DOT1L: variants seen among roughly 807,000 people sequenced by gnomAD.
The protein encoded by DOT1L is DOT1 like histone lysine methyltransferase.
A neutral mutation model predicts 153.3 loss-of-function variants in DOT1L; 33 were observed. That is an observed-to-expected ratio of 0.22 (90% confidence interval 0.16 to 0.29). DOT1L has a LOEUF of 0.29. Ranked by LOEUF, DOT1L falls within the 10% of genes least tolerant of loss-of-function variation. The pLI, the probability that DOT1L is intolerant of heterozygous loss-of-function variation, is 1.00. For synonymous variants in DOT1L, 1,135 were observed against 965.1 expected (o/e 1.18, Z -3.26); for missense variants, 1,847 against 2,119.9 (o/e 0.87, Z 2.53).
intron 25 of DOT1L, 109 bp downstream of exon 25, chr19:2,223,595 G>T: frequency 8.6e-7 from 1 of 1,159,312 alleles, no homozygotes; most frequent in Admixed American, 2.5e-5. Context: ...AGGCTCTTAG[G>T]GGGTGCCCTG....
At position 2,216,457 on chromosome 19, in the gene DOT1L, G is replaced by C. The variant is rs757778341; in HGVS notation, c.2100G>C (p.Ser700=). The C allele has an allele frequency of 6.2e-7, 1 of 1,612,586 alleles. No homozygotes were observed. The highest frequency in any genetic ancestry group is 8.5e-7 in the Non-Finnish European group (1 of 1,179,938). The change falls in exon 20 of 28, where the codon TCG becomes TCC. Residue 700 remains serine (S), a synonymous_variant. Coordinates refer to ENST00000398665, the MANE Select transcript of DOT1L (RefSeq NM_032482.3). The part of the protein sequence containing the change: ...LHLELDCTKF[S]LPHLSSMSPE... ...TGGAGCTGGACTGCACCAAGTTCTC[G>C]CTGCCTCACTTGAGCAGCATGAGCC...
chr19:2,216,252 C>T (rs781599028), intron 19 of DOT1L, 29 bp from the exon 20 acceptor site: 7 of 1,538,182 alleles, frequency 4.6e-6, no homozygotes, highest in Non-Finnish European at 6.2e-6. Context: ...CCCGGTGGGG[C>T]GGGCCTGACA....
rs780672810 is a variant in DOT1L at position 2,222,109 on chromosome 19, C to T, written c.2940C>T (p.Ser980=). The T allele has an allele frequency of 1.2e-6, 2 of 1,613,368 alleles. No homozygotes were observed. ...SSGSLFATVG[S]RSSTPQHPLL... is the part of the protein sequence containing the mutation. Reference sequence around the variant, plus strand: ...GGAGCCTTTTTGCCACCGTGGGGTCCCGCAGCTCCACGCCACAGCACCCCC... The same window carrying T: ...GGAGCCTTTTTGCCACCGTGGGGTCTCGCAGCTCCACGCCACAGCACCCCC... The change falls in exon 24 of 28, where the codon TCC becomes TCT. Residue 980 remains serine, a synonymous_variant. Transcript: ENST00000398665. The surrounding 1 kb of genome is among the most constrained non-coding windows in gnomAD (Gnocchi z 6.5).
At chr19:2,202,570 G>A (rs2023335762) in intron 8 of DOT1L, 130 bp from the exon 9 acceptor site, 3 of 864,452 alleles carry the variant, frequency 3.5e-6, no homozygotes, top group Admixed American at 2.1e-5. Context: ...AGCTGCGTGG[G>A]CTTGGCCCTG....
In DOT1L at chr19:2,211,746, C is replaced by T. The variant is rs1356385806; in HGVS notation, c.1466-5C>T. ...TTCTCACCTGTGTTCCGCCTCTCTT[C>T]CCAGAGTCCTTCAAGATCCAGTACC... is the stretch of plus-strand genomic sequence containing the variant. On this transcript the variant is annotated splice_region_variant and splice_polypyrimidine_tract_variant and intron_variant, in intron 15 of 27. Transcript: ENST00000398665. The T allele has an allele frequency of 1.3e-6, 2 of 1,559,182 alleles. No individual in the cohort carries two copies. Among genetic ancestry groups the T allele is most frequent in the Admixed American group, 1.9e-5 (1 of 51,858 alleles).
chr19:2,188,516 C>T (rs1393682376), intron 3 of DOT1L, among the ~76,000 whole-genome samples: 1 of 148,998 alleles, frequency 6.7e-6, no homozygotes, highest in Non-Finnish European at 1.5e-5. Context: ...TGCAGGCCCC[C>T]TCGGCGCTGG....
rs138511574 is a variant in DOT1L at position 2,218,736 on chromosome 19, C to G, written c.2691+818C>G. ...TTTCGAGATGGAGACTCATTCTGTC[C>G]CCCAGGCTGGAGTGCAATTGTGTGA... On this transcript the variant is annotated intron_variant, in intron 22 of 27. Transcript: ENST00000398665. Among the ~76,000 whole-genome samples, 362 of 147,200 alleles carry G rather than the reference C, an allele frequency of 2.5e-3. 1 individual carries two copies. Among genetic ancestry groups the G allele is most frequent in the Non-Finnish European group, 3.7e-3 (244 of 66,692 alleles).
In DOT1L at chr19:2,222,610, C is replaced by A; in HGVS notation, c.3390+51C>A. On this transcript the variant is annotated intron_variant, in intron 24 of 27. Coordinates refer to ENST00000398665, the MANE Select transcript of DOT1L (RefSeq NM_032482.3). The surrounding 1 kb of genome is among the most constrained non-coding windows in gnomAD (Gnocchi z 6.5). ...GGGAGCGCGGCCTGTGAAAGAAAGA[C>A]CAGAGGGAGACCGGGCGCGGTGGCT... 1.4e-6 allele frequency: 2 copies of A among 1,477,198 alleles called. No individual in the cohort carries two copies. The highest frequency in any genetic ancestry group is 1.8e-4 in the Middle Eastern group (1 of 5,478). The allele number at this position is 1,477,198 out of a possible 1,614,324, so 91.5% of individuals were successfully genotyped here.
intron 23 of DOT1L, chr19:2,221,594 G>A (rs529395929): frequency 2.0e-4 from 50 of 244,134 alleles, no homozygotes; most frequent in Admixed American, 4.0e-4. Flanking sequence ...AGAACAGGAG[G>A]GAGGGAGGCC....
chr19:2,209,253 C>G (rs972697914), intron 12 of DOT1L, among the ~76,000 whole-genome samples: 3 of 152,210 alleles, frequency 2.0e-5, no homozygotes, highest in Non-Finnish European at 4.4e-5. Flanking sequence ...CCCCCACCCT[C>G]CCTCTCCGTT....
intron 17 of DOT1L, 34 bp from the exon 18 acceptor site, chr19:2,213,815 C>T: frequency 1.9e-6 from 3 of 1,611,622 alleles, no homozygotes; most frequent in South Asian, 2.2e-5. Context: ...TTGGAGGCCA[C>T]CAGCATGACC....
intron 12 of DOT1L, among the ~76,000 whole-genome samples, chr19:2,209,326 A>G (rs1234308078): frequency 1.3e-5 from 2 of 148,808 alleles, no homozygotes; most frequent in African/African-American, 5.0e-5. Context: ...CTTGTCTTTG[A>G]TGGTTTGGCC....
In DOT1L at chr19:2,223,339, T is replaced by G; in HGVS notation, c.3449T>G (p.Leu1150Arg). ...ITAISSPETS[L>R]KSSPVPYQDH... The stretch of plus-strand genomic sequence containing the variant: ...GCCATCTCGTCCCCGGAGACCTCCC[T>G]GAAGAGCTCCCCTGTGCCCTACCAG... The change falls in exon 25 of 28, where the codon CTG becomes CGG. Residue 1150 changes from leucine (L) to arginine (R), a missense_variant. This residue lies in a region of DOT1L where 934 missense variants were observed against 825.3 expected (regional missense o/e 1.13). Coordinates refer to ENST00000398665, the MANE Select transcript of DOT1L (RefSeq NM_032482.3). 6.2e-7 allele frequency: 1 copy of G among 1,613,706 alleles called. No homozygotes were observed. The highest frequency in any genetic ancestry group is 8.5e-7 in the Non-Finnish European group (1 of 1,179,948).
intron 27 of DOT1L, chr19:2,228,340 C>A: frequency 7.5e-7 from 1 of 1,326,428 alleles, no homozygotes; most frequent in African/African-American, 1.5e-5. Context: ...GGGGTTAAGC[C>A]GCGATAAAGA....
intron 7 of DOT1L, among the ~76,000 whole-genome samples, 170 bp downstream of exon 7, chr19:2,194,747 C>T (rs975669396): frequency 7.9e-5 from 12 of 152,284 alleles, no homozygotes; most frequent in South Asian, 6.2e-4. Flanking sequence ...GCGTCTGAGC[C>T]GGCAGCAGGC....
chr19:2,230,538 G>T lies in DOT1L; in HGVS notation c.*746G>T. On this transcript the variant is annotated 3_prime_UTR_variant, in exon 28 of 28. Transcript: ENST00000398665. ...ACGTTGAACAAGTGCATTTACTTTT[G>T]TATTTCTCGGCTGTCCATGGCTCGC... 5.0e-6 allele frequency: 2 copies of T among 398,760 alleles called. No homozygotes were observed. The highest frequency in any genetic ancestry group is 8.8e-6 in the Non-Finnish European group (2 of 226,116). 24.7% of individuals were successfully genotyped at this position (398,760 alleles called of 1,614,324 possible).
chr19:2,210,088 C>T (rs909724930), intron 12 of DOT1L, among the ~76,000 whole-genome samples: 15 of 152,326 alleles, frequency 9.8e-5, no homozygotes, highest in Non-Finnish European at 1.8e-4. Context: ...AGGGGCTTCT[C>T]GTCTCCTGTC....
At chr19:2,224,354 C>T (rs1599620042) in intron 25 of DOT1L, among the ~76,000 whole-genome samples, 4 of 152,170 alleles carry the variant, frequency 2.6e-5, no homozygotes, top group African/African-American at 7.2e-5. Flanking sequence ...CATGGGTGCA[C>T]GAGGGTCTGA....
rs1017436323 is a variant in DOT1L, at chr19:2,226,460, C to T, written c.3939C>T (p.Ala1313=). 1.2e-6 allele frequency: 2 copies of T among 1,601,818 alleles called. No individual in the cohort carries two copies. Among genetic ancestry groups the T allele is most frequent in the African/African-American group, 2.7e-5 (2 of 74,938 alleles). ...ADGLSPGTNP[A]NGCTFGGGLA... is the part of the protein sequence containing the mutation. ...GACTCAGCCCGGGCACCAACCCTGC[C>T]AACGGCTGCACCTTCGGCGGGGGCC... is the stretch of plus-strand genomic sequence containing the variant. Residue 1313 remains alanine, a synonymous_variant, in exon 27 of 28, where the codon GCC becomes GCT. Transcript: ENST00000398665.
Sources: gnomAD v4.1 joint callset for allele counts (sites outside exome capture counted in the v4.1 genomes callset) on GRCh38, gnomAD v4.1.1 for gene constraint, gnomAD v4.1.1 regional missense constraint, Gnocchi (gnomAD v3.1) non-coding constraint, MANE v1.5 for transcripts, NCBI Gene and HGNC (gene_info 2026-07-23, HGNC 2026-07-21) for gene names.